Variants in LHX9 observed in about 807,000 individuals in gnomAD.
The protein encoded by LHX9 is LIM/homeobox protein Lhx9.
A neutral mutation model predicts 36.5 loss-of-function variants in LHX9; 9 were observed. The observed-to-expected ratio is 0.25, with a 90% CI of 0.15 to 0.43. LHX9 has a LOEUF of 0.43. Ranked by LOEUF, LHX9 falls within the 20% of genes least tolerant of loss-of-function variation. LHX9 has a pLI of 1.00. For missense variants in LHX9, 464 were observed against 526.4 expected, an observed-to-expected ratio of 0.88 and a Z score of 1.16; for synonymous variants, 211 against 212.1, an observed-to-expected ratio of 0.99 and a Z score of 0.04.
At chr1:197,918,519 C>A (rs544443274) in intron 1 of LHX9, 27 of 622,818 alleles carry the variant, frequency 4.3e-5, no homozygotes, top group Non-Finnish European at 7.8e-5. Context: ...GACCCCTAAC[C>A]GAGAGAATCT....
Position 197,931,956 on chromosome 1 carries a change from G to A in LHX9, c.*2697G>A. 1.3e-6 allele frequency: 2 copies of A among 1,547,506 alleles called. No homozygotes were observed. The highest frequency in any genetic ancestry group is 1.7e-6 in the Non-Finnish European group (2 of 1,144,874). Reference sequence around the variant, plus strand: ...TTGGGGCATTACAGCCAAACATCCCGACGTTTGAAAATTCCCTAAAGTATT... The same window carrying A: ...TTGGGGCATTACAGCCAAACATCCCAACGTTTGAAAATTCCCTAAAGTATT... On this transcript the variant is annotated 3_prime_UTR_variant, in exon 5 of 5. Transcript: ENST00000367387.
At chr1:197,913,598 G>T (rs1401390634), upstream of LHX9, among the ~76,000 whole-genome samples, 2 of 152,148 alleles carry the variant, frequency 1.3e-5, no homozygotes, top group African/African-American at 4.8e-5. Flanking sequence ...TCCATCCAGC[G>T]CAGCCCGGGC....
chr1:197,930,813 G>T lies in LHX9; in HGVS notation c.*1554G>T, dbSNP rs1264839361. The T allele has an allele frequency of 6.6e-6, 1 of 151,970 alleles. No individual in the cohort carries two copies. Among genetic ancestry groups the T allele is most frequent in the Admixed American group, 6.5e-5 (1 of 15,276 alleles). 9.4% of individuals were successfully genotyped at this position (151,970 alleles called of 1,614,324 possible). A position where few individuals can be genotyped will look rare whatever the true frequency, so the allele number is the denominator to read the frequency against. On this transcript the variant is annotated 3_prime_UTR_variant, in exon 5 of 5. Coordinates refer to ENST00000367387, the MANE Select transcript of LHX9 (RefSeq NM_020204.3). The stretch of plus-strand genomic sequence containing the variant: ...TGGAAGATAAGTTAACACTGTAACA[G>T]AAGAAAGGTGTGATTGCCATTATAT...
At chr1:197,923,137 G>A (rs1660039754) in intron 3 of LHX9, among the ~76,000 whole-genome samples, 2 of 152,224 alleles carry the variant, frequency 1.3e-5, no homozygotes, top group Non-Finnish European at 2.9e-5. Flanking sequence ...CAGGGAGAAT[G>A]GGGAGCAATG....
chr1:197,933,716 T>A lies in LHX9; in HGVS notation c.*4457T>A, dbSNP rs1660384706. On this transcript the variant is annotated 3_prime_UTR_variant, in exon 5 of 5. Coordinates refer to ENST00000367387, the MANE Select transcript of LHX9 (RefSeq NM_020204.3). ...AGACATCTGAAAAAAAAATACAAAT[T>A]TGAAACAGGCACATTTTTTAAAACC... 7.0e-6 allele frequency: 1 copy of A among 142,568 alleles called. No homozygotes were observed. The highest frequency in any genetic ancestry group is 1.5e-5 in the Non-Finnish European group (1 of 65,840). 8.8% of individuals were successfully genotyped at this position (142,568 alleles called of 1,614,324 possible). A position where few individuals can be genotyped will look rare whatever the true frequency, so the allele number is the denominator to read the frequency against.
Position 197,920,014 on chromosome 1 carries a change from G to A in LHX9, c.217G>A (p.Gly73Ser). 6.2e-7 allele frequency: 1 copy of A among 1,614,232 alleles called. No individual in the cohort carries two copies. Among genetic ancestry groups the A allele is most frequent in the Non-Finnish European group, 8.5e-7 (1 of 1,180,046 alleles). ...CCCGGAGAAGCCCGCCCTGTGCGCC[G>A]GCTGCGGGGGCAAGATCTCGGACAG... ...LSPEKPALCAGCGGKISDRYY... is the reference protein window; with the variant it reads ...LSPEKPALCASCGGKISDRYY... The change falls in exon 2 of 5, where the codon GGC becomes AGC. Residue 73 changes from glycine (G) to serine (S), a missense_variant. Physicochemically the swap from Gly to Ser is moderately conservative, Grantham distance 56. Coordinates refer to ENST00000367387, the MANE Select transcript of LHX9 (RefSeq NM_020204.3).
rs183473436 is a variant in LHX9, at chr1:197,921,642, T to G, written c.716T>G (p.Ile239Ser). The G allele has an allele frequency of 3.5e-4, 560 of 1,589,628 alleles. 2 individuals are homozygous for G. In the East Asian group the frequency reaches 0.011, roughly 32 times the overall value. Residue 239 changes from isoleucine to serine, a missense_variant, in exon 3 of 5, where the codon ATC becomes AGC. Physicochemically the swap from Ile to Ser is moderately radical, Grantham distance 142. Around this residue, in one of 5 missense-constraint regions of LHX9, gnomAD observed 130 missense variants for 109.6 expected, o/e 1.19. Coordinates refer to ENST00000367387, the MANE Select transcript of LHX9 (RefSeq NM_020204.3). The surrounding 1 kb of genome is among the most constrained non-coding windows in gnomAD (Gnocchi z 4.6). ...KRKSPALGVD[I>S]VNYNSGCNEN... ...AAGAGCCCAGCGCTGGGAGTGGACATCGTCAATTACAACTCAGGTGTGCCT... is the reference window on the plus strand; with the variant it reads ...AAGAGCCCAGCGCTGGGAGTGGACAGCGTCAATTACAACTCAGGTGTGCCT...
At chr1:197,912,525 T>C, upstream of LHX9, 1 of 1,614,170 alleles carries the variant, frequency 6.2e-7, no homozygotes, top group Non-Finnish European at 8.5e-7. Flanking sequence ...CTCCTTTTCC[T>C]CTAAGAATGC....
At chr1:197,919,038 C>A (rs1181782632) in intron 1 of LHX9, among the ~76,000 whole-genome samples, 1 of 152,180 alleles carries the variant, frequency 6.6e-6, no homozygotes, top group Non-Finnish European at 1.5e-5. Flanking sequence ...CTTTTTCAGG[C>A]CCGCTGAAGT....
intron 4 of LHX9, among the ~76,000 whole-genome samples, chr1:197,928,647 TAA>T (rs1260345125): frequency 6.6e-6 from 1 of 152,184 alleles, no homozygotes; most frequent in African/African-American, 2.4e-5. Context: ...TCTCAAAAGA[TAA>T]CAGTTGAGGA....
rs1660412477 is a variant in LHX9 at position 197,934,841 on chromosome 1, A to C, written c.*5582A>C. ...TTTAATAATAGTGCTCTGCCCTCAC[A>C]ACAGTTTTTTTTTCAGAATAATATT... On this transcript the variant is annotated 3_prime_UTR_variant, in exon 5 of 5. Coordinates refer to ENST00000367387, the MANE Select transcript of LHX9 (RefSeq NM_020204.3). 1 of 151,788 alleles carries C rather than the reference A, an allele frequency of 6.6e-6. No individual in the cohort carries two copies. The highest frequency in any genetic ancestry group is 2.4e-5 in the African/African-American group (1 of 41,336). The allele number at this position is 151,788 out of a possible 1,614,324, so 9.4% of individuals were successfully genotyped here. A position where few individuals can be genotyped will look rare whatever the true frequency, so the allele number is the denominator to read the frequency against.
At position 197,932,036 on chromosome 1, in the gene LHX9, A is replaced by G; in HGVS notation, c.*2777A>G. 8.6e-7 allele frequency: 1 copy of G among 1,168,508 alleles called. No individual in the cohort carries two copies. Among genetic ancestry groups the G allele is most frequent in the Middle Eastern group, 2.0e-4 (1 of 5,122 alleles). 72.4% of individuals were successfully genotyped at this position (1,168,508 alleles called of 1,614,324 possible). Reference sequence around the variant, plus strand: ...CCACTGCAGTGAAGACAAAGACACTATTAGGTTATGATAATCATACATTAA... The same window carrying G: ...CCACTGCAGTGAAGACAAAGACACTGTTAGGTTATGATAATCATACATTAA... On this transcript the variant is annotated 3_prime_UTR_variant, in exon 5 of 5. Transcript: ENST00000367387.
At chr1:197,917,020 T>C (rs1393992003), upstream of LHX9, among the ~76,000 whole-genome samples, 1 of 152,194 alleles carries the variant, frequency 6.6e-6, no homozygotes, top group Non-Finnish European at 1.5e-5. Flanking sequence ...CTAGGCCTTC[T>C]GCAACAGGGC....
At position 197,932,377 on chromosome 1, in the gene LHX9, A is replaced by T. The variant is rs1242940301; in HGVS notation, c.*3118A>T. On this transcript the variant is annotated 3_prime_UTR_variant, in exon 5 of 5. Transcript: ENST00000367387. ...CCTGTTAATGGCATTTTCCAACTGTAAATTCAAAGAAAAGCTATCACCCAT... is the reference window on the plus strand; with the variant it reads ...CCTGTTAATGGCATTTTCCAACTGTTAATTCAAAGAAAAGCTATCACCCAT... The T allele has an allele frequency of 6.3e-6, 1 of 158,630 alleles. No homozygotes were observed. The highest frequency in any genetic ancestry group is 1.4e-5 in the Non-Finnish European group (1 of 72,094). 9.8% of individuals were successfully genotyped at this position (158,630 alleles called of 1,614,324 possible).
At position 197,932,457 on chromosome 1, in the gene LHX9, C is replaced by A. The variant is rs1298652384; in HGVS notation, c.*3198C>A. The A allele has an allele frequency of 6.6e-6, 1 of 152,480 alleles. No individual in the cohort carries two copies. Among genetic ancestry groups the A allele is most frequent in the East Asian group, 1.9e-4 (1 of 5,212 alleles). 9.4% of individuals were successfully genotyped at this position (152,480 alleles called of 1,614,324 possible). A position where few individuals can be genotyped will look rare whatever the true frequency, so the allele number is the denominator to read the frequency against. On this transcript the variant is annotated 3_prime_UTR_variant, in exon 5 of 5. Coordinates refer to ENST00000367387, the MANE Select transcript of LHX9 (RefSeq NM_020204.3). The stretch of plus-strand genomic sequence containing the variant: ...TTTTAGCATTATTGTTTATCACTTC[C>A]TTTTTAAACAGAAATCTCTGCATGC...
At position 197,929,196 on chromosome 1, in the gene LHX9, C is replaced by A. The variant is rs1660248153; in HGVS notation, c.1131C>A (p.Thr377=). 1 of 1,588,436 alleles carries A rather than the reference C, an allele frequency of 6.3e-7. No individual in the cohort carries two copies. The highest frequency in any genetic ancestry group is 8.6e-7 in the Non-Finnish European group (1 of 1,167,402). Reference sequence around the variant, plus strand: ...CTATCACTGTAGTGACATCCGTGACCTCTAACATGGACAGCCACGAATCCG... The same window carrying A: ...CTATCACTGTAGTGACATCCGTGACATCTAACATGGACAGCCACGAATCCG... The part of the protein sequence containing the change: ...NPTITVVTSV[T]SNMDSHESGS... The change falls in exon 5 of 5, where the codon ACC becomes ACA. Residue 377 remains threonine (T), a synonymous_variant. Transcript: ENST00000367387.
Position 197,917,725 on chromosome 1 carries a change from TC to T in LHX9, c.-96del, listed in dbSNP as rs1298170273. 6.3e-7 allele frequency: 1 copy of T among 1,594,224 alleles called. No individual in the cohort carries two copies. The highest frequency in any genetic ancestry group is 1.4e-5 in the African/African-American group (1 of 73,530). On this transcript the variant is annotated 5_prime_UTR_variant, in exon 1 of 5. Transcript: ENST00000367387. ...TCTTCTCCTCCTTTCTCTCCCTCTT[TC>T]CCTCCATCCTCGAGCGTCTCTGCGC... is the stretch of plus-strand genomic sequence containing the variant.
chr1:197,914,981 T>C (rs1389765272), upstream of LHX9, among the ~76,000 whole-genome samples: 1 of 152,174 alleles, frequency 6.6e-6, no homozygotes, highest in Non-Finnish European at 1.5e-5. Context: ...TTACAAAACC[T>C]CTGTGTTTGG....
rs1659986341 is a variant in LHX9, at chr1:197,921,544, C to G, written c.618C>G (p.Ala206=). ...AGCTGAGCTACACGGAGCTGGCGGC[C>G]AAGAGCGGCGGCCTGGCCCTGCCTT... The part of the protein sequence containing the change: ...PPQLSYTELA[A]KSGGLALPYF... The change falls in exon 3 of 5, where the codon GCC becomes GCG. Residue 206 remains alanine, a synonymous_variant. Coordinates refer to ENST00000367387, the MANE Select transcript of LHX9 (RefSeq NM_020204.3). The surrounding 1 kb of genome is among the most constrained non-coding windows in gnomAD (Gnocchi z 4.6). 2.5e-6 allele frequency: 4 copies of G among 1,613,944 alleles called. No homozygotes were observed. Among genetic ancestry groups the G allele is most frequent in the Non-Finnish European group, 3.4e-6 (4 of 1,180,030 alleles).
Sources: gnomAD v4.1 joint callset for allele counts (sites outside exome capture counted in the v4.1 genomes callset) on GRCh38, gnomAD v4.1.1 for gene constraint, gnomAD v4.1.1 regional missense constraint, Gnocchi (gnomAD v3.1) non-coding constraint, MANE v1.5 for transcripts, NCBI Gene and HGNC (gene_info 2026-07-23, HGNC 2026-07-21) for gene names.